The following ZSCAN5A variants were observed in gnomAD, a reference collection of about 807,000 sequenced individuals.
ZSCAN5A encodes zinc finger and SCAN domain containing 5A.
ZSCAN5A carries 12 observed loss-of-function variants against 23.7 expected under a neutral mutation model. The observed-to-expected ratio is 0.51, with a 90% confidence interval of 0.32 to 0.82. ZSCAN5A has a LOEUF of 0.82. Among genes scored for constraint, ZSCAN5A ranks in the 40% least tolerant of loss-of-function variants. ZSCAN5A has a pLI of 0.03. For missense variants in ZSCAN5A, 597 were observed against 617.9 expected (o/e 0.97, Z 0.36); for synonymous variants, 257 against 239.9 (o/e 1.07, Z -0.66).
chr19:56,352,811 A>AGTC lies in ZSCAN5A; in HGVS notation c.-358+10423_-358+10424insGAC, dbSNP rs1192424777. Among the ~76,000 whole-genome samples the AGTC allele has an allele frequency of 1.3e-5, 2 of 152,256 alleles. No individual in the cohort carries two copies. Among genetic ancestry groups the AGTC allele is most frequent in the East Asian group, 3.9e-4 (2 of 5,190 alleles). ...AAACTGGGTGCAACACAGTTTCAAC[A>AGTC]CAGATGTCCAAAGTCCAGGCCTAGT... On this transcript the variant is annotated intron_variant, in intron 2 of 6. Coordinates refer to the ZSCAN5A transcript ENST00000587340. This position sits in a 1 kb window ranked among gnomAD's most constrained non-coding sequence, Gnocchi z 4.2.
intron 2 of ZSCAN5A, among the ~76,000 whole-genome samples, chr19:56,258,349 A>G (rs956036157): frequency 6.7e-6 from 1 of 150,232 alleles, no homozygotes; most frequent in Admixed American, 6.6e-5. Flanking sequence ...GAGGAAATGG[A>G]GTCCTTGTCC....
chr19:56,362,527 C>A (rs1306150492), intron 2 of ZSCAN5A, among the ~76,000 whole-genome samples: 1 of 151,642 alleles, frequency 6.6e-6, no homozygotes, highest in Non-Finnish European at 1.5e-5. Context: ...CGAGATTGCA[C>A]AAAAAGGCAA....
upstream of ZSCAN5A, chr19:56,317,464 T>C (rs2041328904): frequency 6.6e-6 from 1 of 152,242 alleles, no homozygotes; most frequent in African/African-American, 2.4e-5. Flanking sequence ...GGAGCCCTCA[T>C]TACACTGGAT....
At chr19:56,239,901 C>T (rs529242320) in intron 2 of ZSCAN5A, among the ~76,000 whole-genome samples, 2 of 152,066 alleles carry the variant, frequency 1.3e-5, no homozygotes, top group Non-Finnish European at 2.9e-5. Context: ...TGGTGGCTCA[C>T]GCCTGTAATC....
chr19:56,301,867 A>T, intron 2 of ZSCAN5A: 2 of 1,217,760 alleles, frequency 1.6e-6, no homozygotes, highest in Non-Finnish European at 2.0e-6. Context: ...GCAGGCAGAG[A>T]TGTGAGTTTG....
At chr19:56,302,434 T>C (rs1600234021) in intron 2 of ZSCAN5A, among the ~76,000 whole-genome samples, 2 of 112,932 alleles carry the variant, frequency 1.8e-5, no homozygotes, top group Admixed American at 8.6e-5. Flanking sequence ...CTTTCTCCCT[T>C]CCTTCCTTTC....
chr19:56,221,692 G>C lies in ZSCAN5A; in HGVS notation c.1374C>G (p.His458Gln). 2 of 1,614,184 alleles carry C rather than the reference G, an allele frequency of 1.2e-6. No homozygotes were observed. Among genetic ancestry groups the C allele is most frequent in the African/African-American group, 1.3e-5 (1 of 75,040 alleles). ...GTTTCTCTCCGGAGTGGATGCGCTG[G>C]TGCTCCTTCAGGCTCCCCCTGTAGG... is the stretch of plus-strand genomic sequence containing the variant. Reference protein sequence around the residue: ...VFTYRGSLKEHQRIHSGEKPY... With the variant: ...VFTYRGSLKEQQRIHSGEKPY... The change falls in exon 6 of 6, where the codon CAC (histidine) becomes CAG (glutamine). Residue 458 changes from histidine to glutamine, a missense_variant. Coordinates refer to ENST00000683990, the MANE Select transcript of ZSCAN5A (RefSeq NM_001322064.3).
chr19:56,315,809 G>C (rs2041299395), upstream of ZSCAN5A: 1 of 152,230 alleles, frequency 6.6e-6, no homozygotes, highest in Non-Finnish European at 1.5e-5. Context: ...AGAATTTGAT[G>C]TTAAAATTTA....
intron 2 of ZSCAN5A, among the ~76,000 whole-genome samples, chr19:56,277,798 G>A (rs968673558): frequency 2.2e-4 from 34 of 151,976 alleles, no homozygotes; most frequent in African/African-American, 8.2e-4. Flanking sequence ...TACCTTTTGG[G>A]TACAATGTAC....
rs138016114 is a variant in ZSCAN5A at position 56,268,188 on chromosome 19, G to A, written c.-127-43015C>T. 5.6e-3 allele frequency among the ~76,000 whole-genome samples: 854 copies of A among 152,318 alleles called. 9 individuals are homozygous for A. The highest frequency in any genetic ancestry group is 0.02 in the African/African-American group (822 of 41,572). On this transcript the variant is annotated intron_variant, in intron 2 of 5. Coordinates refer to ENST00000683990, the MANE Select transcript of ZSCAN5A (RefSeq NM_001322064.3). Reference sequence around the variant, plus strand: ...CATGGGTTGTCTATTCTAGGACCTAGTCAGTGGCTTGGGACTCCTTGGGGG... The same window carrying A: ...CATGGGTTGTCTATTCTAGGACCTAATCAGTGGCTTGGGACTCCTTGGGGG...
chr19:56,261,640 A>G (rs1404270000), intron 2 of ZSCAN5A, among the ~76,000 whole-genome samples: 8 of 152,166 alleles, frequency 5.3e-5, no homozygotes, highest in Non-Finnish European at 1.0e-4. Context: ...AGACAGAGAG[A>G]GAGAATCAAA....
chr19:56,328,323 A>G (rs769215780), intron 2 of ZSCAN5A, among the ~76,000 whole-genome samples: 2 of 152,214 alleles, frequency 1.3e-5, no homozygotes, highest in Non-Finnish European at 2.9e-5. Context: ...ATTTTATTAT[A>G]AAATAATTTT....
At chr19:56,265,204 T>A (rs748910040) in intron 2 of ZSCAN5A, among the ~76,000 whole-genome samples, 4 of 151,800 alleles carry the variant, frequency 2.6e-5, no homozygotes, top group Admixed American at 6.6e-5. Context: ...GGGAGACACA[T>A]GGGCTTATTT....
At chr19:56,324,641 C>CA (rs35806754) in intron 2 of ZSCAN5A, among the ~76,000 whole-genome samples, 19,835 of 81,374 alleles carry the variant, frequency 0.24, 1,756 homozygotes, top group Middle Eastern at 0.39. Flanking sequence ...TGTACATGTT[C>CA]AAAAAAAAAA....
intron 2 of ZSCAN5A, chr19:56,286,433 C>G (rs2039130554): frequency 6.6e-6 from 1 of 152,054 alleles, no homozygotes; most frequent in South Asian, 2.1e-4. Context: ...CCGCCAGAAC[C>G]CCCACACCTC....
intron 2 of ZSCAN5A, among the ~76,000 whole-genome samples, chr19:56,328,997 A>C (rs1029349957): frequency 6.9e-5 from 10 of 145,724 alleles, no homozygotes; most frequent in Admixed American, 1.3e-4. Context: ...TCCGTCTCAA[A>C]AAAAAAAAAA....
chr19:56,221,611 G>T lies in ZSCAN5A; in HGVS notation c.1455C>A (p.Arg485=). 1 of 1,609,088 alleles carries T rather than the reference G, an allele frequency of 6.2e-7. No homozygotes were observed. Among genetic ancestry groups the T allele is most frequent in the Non-Finnish European group, 8.5e-7 (1 of 1,177,508 alleles). ...TAGCTTCTGGATGTGTTTTCTGGTG[G>T]CGTCTTAACAATTTCAGCCGACTGA... ...RAFSRLKLLR[R]HQKTHPEATS... The change falls in exon 6 of 6, where the codon CGC becomes CGA. Residue 485 remains arginine, a synonymous_variant. Coordinates refer to ENST00000683990, the MANE Select transcript of ZSCAN5A (RefSeq NM_001322064.3).
At chr19:56,239,035 G>A (rs1293052463) in intron 2 of ZSCAN5A, among the ~76,000 whole-genome samples, 1 of 152,200 alleles carries the variant, frequency 6.6e-6, no homozygotes, top group African/African-American at 2.4e-5. Flanking sequence ...GGAAATAAGT[G>A]TCAGAACTTT....
chr19:56,365,681 T>C (rs1045722337), intron 1 of ZSCAN5A: 3 of 152,206 alleles, frequency 2.0e-5, no homozygotes, highest in African/African-American at 7.2e-5. Flanking sequence ...GCCTCCAAAG[T>C]TGGAGACAGG....
Sources: allele counts gnomAD v4.1 joint callset (sites outside exome capture counted in the v4.1 genomes callset), GRCh38; gene constraint gnomAD v4.1.1; non-coding constraint Gnocchi (gnomAD v3.1); transcripts MANE v1.5; gene names NCBI Gene and HGNC (gene_info 2026-07-23, HGNC 2026-07-21).